The following NCOR1 variants were observed in gnomAD, a reference collection of about 807,000 sequenced individuals.
NCOR1 encodes protein phosphatase 1, regulatory subunit 109.
NCOR1 carries 63 observed loss-of-function variants against 288.1 expected under a neutral mutation model. The observed-to-expected ratio is 0.22, with a 90% CI of 0.18 to 0.27. The LOEUF is 0.27. Among genes scored for constraint, NCOR1 ranks in the 10% least tolerant of loss-of-function variants. The pLI is 1.00. For missense variants in NCOR1, 2,397 were observed against 3,019.2 expected (o/e 0.79, Z 4.83); for synonymous variants, 1,007 against 1,065.9 (o/e 0.94, Z 1.08).
intron 15 of NCOR1, among the ~76,000 whole-genome samples, chr17:16,123,957 G>C (rs1003136383): frequency 6.6e-6 from 1 of 152,142 alleles, no homozygotes; most frequent in African/African-American, 2.4e-5. Flanking sequence ...ATAAATAAAA[G>C]CTTGTTAAAT....
chr17:16,141,347 A>C (rs1221242631), intron 11 of NCOR1, among the ~76,000 whole-genome samples: 2 of 152,170 alleles, frequency 1.3e-5, no homozygotes, highest in East Asian at 3.9e-4. Flanking sequence ...AGAATATCAG[A>C]AATAAGAAAG....
intron 1 of NCOR1, among the ~76,000 whole-genome samples, chr17:16,197,160 A>T (rs1024077756): frequency 3.3e-5 from 5 of 152,024 alleles, no homozygotes; most frequent in African/African-American, 1.2e-4. Context: ...TCTCTACTAA[A>T]GATACAAAAA....
chr17:16,047,103 C>A lies in NCOR1; in HGVS notation c.6537-10G>T. ...TGAGCGGGCATCATTCCTGTTAGGG[C>A]CAAAGTTAAGTATATTACAACCACG... On this transcript the variant is annotated splice_polypyrimidine_tract_variant and intron_variant, in intron 41 of 45. Coordinates refer to ENST00000268712, the MANE Select transcript of NCOR1 (RefSeq NM_006311.4). 1 of 1,608,394 alleles carries A rather than the reference C, an allele frequency of 6.2e-7. No homozygotes were observed. Among genetic ancestry groups the A allele is most frequent in the Non-Finnish European group, 8.5e-7 (1 of 1,177,344 alleles).
intron 44 of NCOR1, 84 bp from the exon 45 acceptor site, chr17:16,035,028 G>GA (rs755900175): frequency 1.3e-4 from 168 of 1,300,512 alleles, no homozygotes; most frequent in Middle Eastern, 2.7e-4. Flanking sequence ...ATTGCTAAAT[G>GA]AAAAAAAAGC....
At chr17:16,112,557 G>A (rs898272399) in intron 18 of NCOR1, among the ~76,000 whole-genome samples, 5 of 152,082 alleles carry the variant, frequency 3.3e-5, no homozygotes, top group African/African-American at 9.7e-5. Flanking sequence ...GTACAGTGGC[G>A]CGATCTCAGC....
intron 17 of NCOR1, among the ~76,000 whole-genome samples, chr17:16,118,757 C>A (rs2153128582): frequency 6.6e-6 from 1 of 152,276 alleles, no homozygotes; most frequent in South Asian, 2.1e-4. Flanking sequence ...CAAAAATTAG[C>A]TAATCTTTCT....
intron 32 of NCOR1, among the ~76,000 whole-genome samples, chr17:16,067,220 AGTG>A (rs2061232751): frequency 6.6e-6 from 1 of 152,228 alleles, no homozygotes; most frequent in Non-Finnish European, 1.5e-5. Context: ...TACCAATGTC[AGTG>A]GTGTTCTGAA....
intron 45 of NCOR1, among the ~76,000 whole-genome samples, chr17:16,033,964 G>A (rs1431154897): frequency 6.6e-6 from 1 of 152,030 alleles, no homozygotes; most frequent in African/African-American, 2.4e-5. Context: ...CCAAAATGCT[G>A]GGATAACAGG....
At chr17:16,106,883 A>ATTTTTT (rs144246158) in intron 19 of NCOR1, among the ~76,000 whole-genome samples, 6 of 31,412 alleles carry the variant, frequency 1.9e-4, no homozygotes, top group East Asian at 1.4e-3. Context: ...ATATATATAT[A>ATTTTTT]TTTTTTTTTT....
chr17:16,137,263 T>G, intron 14 of NCOR1, 48 bp downstream of exon 14: 1 of 1,289,948 alleles, frequency 7.8e-7, no homozygotes, highest in Non-Finnish European at 1.1e-6. Context: ...TTTGCTTGCC[T>G]ATTTCCCCCA....
At chr17:16,115,224 G>A (rs2071336821) in intron 18 of NCOR1, among the ~76,000 whole-genome samples, 1 of 152,166 alleles carries the variant, frequency 6.6e-6, no homozygotes, top group Admixed American at 6.5e-5. Flanking sequence ...TCCCTGGGCT[G>A]CAAACAGCAA....
intron 10 of NCOR1, among the ~76,000 whole-genome samples, chr17:16,145,215 G>A (rs764566123): frequency 2.0e-5 from 3 of 152,234 alleles, no homozygotes; most frequent in Non-Finnish European, 2.9e-5. Context: ...ATGTTGCCCA[G>A]GCTGCAGTGC....
chr17:16,131,314 CAATGCTTGACCTGGTAAGTG>C (rs1394749249), intron 14 of NCOR1, among the ~76,000 whole-genome samples: 1 of 152,122 alleles, frequency 6.6e-6, no homozygotes, highest in Non-Finnish European at 1.5e-5. Context: ...GTGTAAGCCA[CAATGCTTGACCTGGTAAGTG>C]TATTTCAACA....
intron 11 of NCOR1, among the ~76,000 whole-genome samples, chr17:16,141,689 C>A (rs901911108): frequency 6.6e-6 from 1 of 152,140 alleles, no homozygotes; most frequent in Non-Finnish European, 1.5e-5. Flanking sequence ...AACTGTCTCA[C>A]AAGTAATTTT....
Position 16,073,566 on chromosome 17 carries a change from A to G in NCOR1, c.3674T>C (p.Ile1225Thr), listed in dbSNP as rs759806084. ...KSGHILSYDN[I>T]KNAREGTRSP... ...CCTAGTCCCTTCTCGGGCATTCTTA[A>G]TATCTACAGAATACACAAACAAGAC... Residue 1225 changes from isoleucine (I) to threonine (T), a missense_variant, in exon 28 of 46, where the codon ATT becomes ACT. Ile to Thr is a moderately conservative substitution (Grantham distance 89). Around this residue, in one of 11 missense-constraint regions of NCOR1, gnomAD observed 1,872 missense variants for 2,187.8 expected, o/e 0.86. Coordinates refer to ENST00000268712, the MANE Select transcript of NCOR1 (RefSeq NM_006311.4). 71 of 1,605,084 alleles carry G rather than the reference A, an allele frequency of 4.4e-5. No individual in the cohort carries two copies. The highest frequency in any genetic ancestry group is 2.0e-4 in the Admixed American group (12 of 58,538).
chr17:16,075,247 AC>A (rs1321001882), intron 27 of NCOR1, among the ~76,000 whole-genome samples: 3 of 152,226 alleles, frequency 2.0e-5, no homozygotes, highest in African/African-American at 4.8e-5. Context: ...TTAAAGTTCA[AC>A]AAAGGCTCTT....
At chr17:16,102,195 A>G (rs570554656) in intron 19 of NCOR1, among the ~76,000 whole-genome samples, 9 of 152,240 alleles carry the variant, frequency 5.9e-5, no homozygotes, top group Admixed American at 4.6e-4. Flanking sequence ...ATAGACATAT[A>G]ATGTAATCAC....
At chr17:16,202,245 C>T (rs1056079853) in intron 1 of NCOR1, among the ~76,000 whole-genome samples, 16 of 113,372 alleles carry the variant, frequency 1.4e-4, no homozygotes, top group Admixed American at 1.2e-3. Context: ...AAAAAAAATA[C>T]AAAAAATTAG....
chr17:16,109,738 T>TTCTTTTTC (rs80282244), intron 18 of NCOR1, among the ~76,000 whole-genome samples: 5 of 71,002 alleles, frequency 7.0e-5, no homozygotes, highest in Middle Eastern at 7.2e-3. Flanking sequence ...ACCACTCAAT[T>TTCTTTTTC]TATTTTTCTT....
Sources: gnomAD v4.1 joint callset for allele counts (sites outside exome capture counted in the v4.1 genomes callset) on GRCh38, gnomAD v4.1.1 for gene constraint, gnomAD v4.1.1 regional missense constraint, MANE v1.5 for transcripts, NCBI Gene and HGNC (gene_info 2026-07-23, HGNC 2026-07-21) for gene names.